The following ACER3 variants were observed in gnomAD, a reference collection of about 807,000 sequenced individuals.
ACER3 encodes alkCDase 3.
In ACER3, 16 loss-of-function variants were observed where a neutral mutation model predicts 48.9. That is an observed-to-expected ratio of 0.33 (90% CI 0.22 to 0.50). The LOEUF is 0.50. ACER3 is among the 20% of genes least tolerant of loss of function. The pLI, the probability that ACER3 is intolerant of heterozygous loss-of-function variation, is 0.98. For synonymous variants in ACER3, 109 were observed against 107.8 expected (o/e 1.01, Z -0.07); for missense variants, 227 against 326.0 (o/e 0.70, Z 2.34).
intron 5 of ACER3, among the ~76,000 whole-genome samples, chr11:76,989,246 A>G (rs1193725898): frequency 6.6e-6 from 1 of 151,512 alleles, no homozygotes; most frequent in Non-Finnish European, 1.5e-5. Context: ...TAAAGGAAAT[A>G]ATCTGGGTTT....
intron 2 of ACER3, among the ~76,000 whole-genome samples, chr11:76,948,068 T>C (rs911532636): frequency 3.3e-5 from 5 of 152,226 alleles, no homozygotes; most frequent in Middle Eastern, 3.2e-3. Flanking sequence ...TTATGTTTCA[T>C]AGGGTTTTAG....
intron 7 of ACER3, among the ~76,000 whole-genome samples, chr11:77,000,490 T>C (rs1555019571): frequency 6.6e-6 from 1 of 152,224 alleles, no homozygotes; most frequent in Non-Finnish European, 1.5e-5. Context: ...TATACCTACC[T>C]ATAGATCCCA....
At chr11:77,005,991 A>ATATAT (rs1388727709) in intron 7 of ACER3, among the ~76,000 whole-genome samples, 2 of 100,894 alleles carry the variant, frequency 2.0e-5, no homozygotes, top group African/African-American at 7.9e-5. Context: ...ATATATATAT[A>ATATAT]TTTTTTTTTT....
intron 2 of ACER3, among the ~76,000 whole-genome samples, chr11:76,937,945 G>T: frequency 6.6e-6 from 1 of 152,168 alleles, no homozygotes; most frequent in East Asian, 1.9e-4. Flanking sequence ...GTTGGTAGTG[G>T]TATGGGTATA....
chr11:76,985,769 C>CA, intron 5 of ACER3, 45 bp downstream of exon 5: 1 of 1,162,790 alleles, frequency 8.6e-7, no homozygotes, highest in Non-Finnish European at 1.2e-6. Flanking sequence ...GTAAATTCAC[C>CA]ATTTATGGAG....
chr11:76,923,883 A>T (rs951366951), intron 1 of ACER3, among the ~76,000 whole-genome samples: 1 of 152,132 alleles, frequency 6.6e-6, no homozygotes, highest in Admixed American at 6.5e-5. Flanking sequence ...TTTCACCATG[A>T]TTCTTTCCTG....
intron 7 of ACER3, 62 bp downstream of exon 7, chr11:76,998,883 T>A: frequency 7.6e-7 from 1 of 1,315,290 alleles, no homozygotes; most frequent in South Asian, 1.4e-5. Context: ...ACAGTAAATC[T>A]ATAGCCTAAA....
intron 1 of ACER3, among the ~76,000 whole-genome samples, chr11:76,862,900 A>G (rs551712967): frequency 1.2e-4 from 18 of 152,334 alleles, no homozygotes; most frequent in South Asian, 4.1e-4. Flanking sequence ...TTATGGGTCT[A>G]TGTAGGTAAT....
intron 1 of ACER3, among the ~76,000 whole-genome samples, chr11:76,880,569 G>A (rs1945497287): frequency 6.6e-6 from 1 of 152,184 alleles, no homozygotes; most frequent in South Asian, 2.1e-4. Context: ...TGACTAACCT[G>A]CTATAAATAG....
At chr11:76,904,456 G>A (rs1439553246) in intron 1 of ACER3, among the ~76,000 whole-genome samples, 1 of 151,996 alleles carries the variant, frequency 6.6e-6, no homozygotes, top group African/African-American at 2.4e-5. Context: ...CTTCTGGACT[G>A]AACCAATGTG....
intron 1 of ACER3, among the ~76,000 whole-genome samples, chr11:76,917,829 C>A (rs1946573205): frequency 6.9e-6 from 1 of 145,574 alleles, no homozygotes; most frequent in African/African-American, 2.5e-5. Context: ...CCACTGAACT[C>A]ACTCTGTGCA....
chr11:77,016,772 CT>C lies in ACER3; in HGVS notation c.701del (p.Phe234SerfsTer10). The C allele has an allele frequency of 1.9e-6, 3 of 1,567,782 alleles. No individual in the cohort carries two copies. The highest frequency in any genetic ancestry group is 1.8e-5 in the Admixed American group (1 of 56,520). On this transcript the variant is annotated frameshift_variant, in exon 9 of 11. Transcript: ENST00000532485. LOFTEE classifies it high-confidence loss of function. Reference protein sequence around the residue: ...LTGLGSYLHILFSLYTRTLYL... With the variant: ...LTGLGSYLHIXFSLYTRTLYL... Reference sequence around the variant, plus strand: ...TGGCCTTGGTTCCTATCTTCACATCCTTTTCAGGTAGGAAATAGAGACTTTT... The same window carrying C: ...TGGCCTTGGTTCCTATCTTCACATCCTTTCAGGTAGGAAATAGAGACTTTT...
At chr11:76,993,595 G>T (rs1186780056) in intron 6 of ACER3, among the ~76,000 whole-genome samples, 1 of 152,194 alleles carries the variant, frequency 6.6e-6, no homozygotes, top group Non-Finnish European at 1.5e-5. Context: ...GATGTCACAG[G>T]TAGAGAAGTA....
At chr11:76,894,463 A>T (rs994758938) in intron 1 of ACER3, among the ~76,000 whole-genome samples, 7 of 152,208 alleles carry the variant, frequency 4.6e-5, no homozygotes, top group African/African-American at 1.7e-4. Flanking sequence ...AGTATAATTA[A>T]TATGCTTAGA....
chr11:77,009,245 C>T (rs1591064509), intron 7 of ACER3, among the ~76,000 whole-genome samples: 2 of 152,090 alleles, frequency 1.3e-5, no homozygotes, highest in Non-Finnish European at 1.5e-5. Flanking sequence ...ACAATCATGG[C>T]GGAAGGCAAA....
intron 1 of ACER3, among the ~76,000 whole-genome samples, chr11:76,882,066 G>A (rs921078514): frequency 3.1e-4 from 46 of 148,740 alleles, no homozygotes; most frequent in African/African-American, 8.0e-4. Flanking sequence ...GTGCAGTGGC[G>A]CGATCTTGGC....
At chr11:77,001,422 A>T (rs967007627) in intron 7 of ACER3, among the ~76,000 whole-genome samples, 2 of 151,554 alleles carry the variant, frequency 1.3e-5, no homozygotes, top group Non-Finnish European at 2.9e-5. Flanking sequence ...TGCCCAGCTA[A>T]TTTTTCTGTA....
intron 1 of ACER3, among the ~76,000 whole-genome samples, chr11:76,875,719 C>T (rs1478788362): frequency 1.4e-5 from 2 of 139,982 alleles, no homozygotes; most frequent in East Asian, 2.1e-4. Context: ...CAATGTAATA[C>T]ACAGTTTTTG....
At chr11:76,907,849 C>T (rs112403433) in intron 1 of ACER3, among the ~76,000 whole-genome samples, 21 of 152,098 alleles carry the variant, frequency 1.4e-4, no homozygotes, top group South Asian at 1.2e-3. Flanking sequence ...CCAGCCTGGG[C>T]GACACAGTGA....
Sources: gnomAD v4.1 joint callset for allele counts (sites outside exome capture counted in the v4.1 genomes callset) on GRCh38, gnomAD v4.1.1 for gene constraint, MANE v1.5 for transcripts, NCBI Gene and HGNC (gene_info 2026-07-23, HGNC 2026-07-21) for gene names.